Variants in POMGNT1 observed in about 807,000 individuals in gnomAD.
POMGNT1 encodes the protein protein O-linked-mannose beta-1,2-N-acetylglucosaminyltransferase 1.
A neutral mutation model predicts 95.6 loss-of-function variants in POMGNT1; 67 were observed. The observed-to-expected ratio is 0.70, with a 90% CI of 0.58 to 0.86. The LOEUF (loss-of-function observed/expected upper bound fraction) is 0.86, where lower values mean the gene tolerates loss of function less well. Ranked by LOEUF, POMGNT1 falls within the 40% of genes least tolerant of loss-of-function variation. The probability of loss-of-function intolerance (pLI) is 0.00; values close to 1 mark genes in which losing one functional copy is unlikely to be tolerated. For missense variants in POMGNT1, 719 were observed against 855.2 expected, an observed-to-expected ratio of 0.84 and a Z score of 1.99; for synonymous variants, 298 against 317.9, an observed-to-expected ratio of 0.94 and a Z score of 0.66.
intron 13 of POMGNT1, 102 bp downstream of exon 13, chr1:46,193,072 G>A (rs1191481834): frequency 1.2e-6 from 2 of 1,603,440 alleles, no homozygotes; most frequent in African/African-American, 2.7e-5. Flanking sequence ...AGATGTGAAG[G>A]ATGAGGCCCA....
chr1:46,219,635 T>C, intron 1 of POMGNT1: 1 of 1,494,924 alleles, frequency 6.7e-7, no homozygotes, highest in Non-Finnish European at 8.9e-7. Context: ...GGTAGTGGCC[T>C]GTGGAAACGC....
intron 1 of POMGNT1, among the ~76,000 whole-genome samples, chr1:46,216,449 C>T (rs908914233): frequency 6.6e-6 from 1 of 152,166 alleles, no homozygotes; most frequent in African/African-American, 2.4e-5. Context: ...TCAAGCAATC[C>T]TCTCACCTCA....
chr1:46,213,315 TATTC>T (rs1658961647), intron 1 of POMGNT1, among the ~76,000 whole-genome samples: 1 of 150,878 alleles, frequency 6.6e-6, no homozygotes, highest in Non-Finnish European at 1.5e-5. Flanking sequence ...TAGGGATTGA[TATTC>T]AGTAATTGTG....
In POMGNT1 at chr1:46,188,699, T is replaced by C. The variant is rs758256074; in HGVS notation, c.*571A>G. The C allele has an allele frequency of 2.5e-5, 40 of 1,596,822 alleles. No individual in the cohort carries two copies. The Middle Eastern group carries it at 7.1e-4, about 28-fold the overall frequency. ...CAAGACATCCCCAGAGGGCTTCTCC[T>C]TTTTTAATCAATGACCAACTTATCC... On this transcript the variant is annotated 3_prime_UTR_variant, in exon 22 of 22. Coordinates refer to ENST00000371984, the MANE Select transcript of POMGNT1 (RefSeq NM_017739.4).
rs753914761 is a variant in POMGNT1 at position 46,212,281 on chromosome 1, A to ATT, written c.-51+7422_-51+7423dup. Among the ~76,000 whole-genome samples the ATT allele has an allele frequency of 7.8e-3, 1,126 of 143,518 alleles. 20 individuals are homozygous for ATT. Among genetic ancestry groups the ATT allele is most frequent in the Middle Eastern group, 0.04 (11 of 276 alleles). The allele number at this position is 143,518 out of a possible 152,430, so 94.2% of individuals were successfully genotyped here. A position where few individuals can be genotyped will look rare whatever the true frequency, so the allele number is the denominator to read the frequency against. On this transcript the variant is annotated intron_variant, in intron 1 of 22. Transcript: ENST00000371992. ...ATGTATAACATAAACAACCATGTAA[A>ATT]TTTTTTTTTTTTTTTTTGAGACGGA...
At chr1:46,190,113 T>C in intron 19 of POMGNT1, 124 bp from the exon 20 acceptor site, 1 of 1,214,452 alleles carries the variant, frequency 8.2e-7, no homozygotes, top group South Asian at 1.5e-5. Flanking sequence ...TTTTTTTTTT[T>C]TTTGAGATGG....
In POMGNT1 at chr1:46,197,801, G is replaced by T. The variant is rs769804402; in HGVS notation, c.21C>A (p.Ser7Arg). The T allele has an allele frequency of 3.7e-6, 6 of 1,614,038 alleles. No individual in the cohort carries two copies. Among genetic ancestry groups the T allele is most frequent in the South Asian group, 3.3e-5 (3 of 91,090 alleles). The change falls in exon 2 of 22, where the codon AGC becomes AGA. Residue 7 changes from serine (S) to arginine (R), a missense_variant. Ser to Arg is a moderately radical substitution (Grantham distance 110, BLOSUM62 -1). Coordinates refer to ENST00000371984, the MANE Select transcript of POMGNT1 (RefSeq NM_017739.4). Reference sequence around the variant, plus strand: ...GAGCCCCAAAGGGCTTGATGAGGGGGCTGGGCTTCCAGTCGTCCATACCGG... The same window carrying T: ...GAGCCCCAAAGGGCTTGATGAGGGGTCTGGGCTTCCAGTCGTCCATACCGG... MDDWKP[S>R]PLIKPFGARK...
At position 46,192,318 on chromosome 1, in the gene POMGNT1, G is replaced by A. The variant is rs2148185390; in HGVS notation, c.1403C>T (p.Thr468Ile). 1 of 1,614,192 alleles carries A rather than the reference G, an allele frequency of 6.2e-7. No homozygotes were observed. Among genetic ancestry groups the A allele is most frequent in the Non-Finnish European group, 8.5e-7 (1 of 1,180,032 alleles). Residue 468 changes from threonine (T) to isoleucine (I), a missense_variant, in exon 16 of 22, where the codon ACA (threonine) becomes ATA (isoleucine). Thr to Ile is a moderately conservative substitution (Grantham distance 89, BLOSUM62 -1). Transcript: ENST00000371984. ...YKEELEPKWPTPEKLWDWDMW... is the reference protein window; with the variant it reads ...YKEELEPKWPIPEKLWDWDMW... ...TACCCTGACAGTTACCTTTTCCGGT[G>A]TAGGCCACTTGGGCTCAAGCTCCTC...
In POMGNT1 at chr1:46,205,518, G is replaced by A. The variant is rs1658684540; in HGVS notation, c.-50-7647C>T. Among the ~76,000 whole-genome samples, 3 of 152,096 alleles carry A rather than the reference G, an allele frequency of 2.0e-5. 1 individual carries two copies. The highest frequency in any genetic ancestry group is 2.0e-4 in the Admixed American group (3 of 15,268). On this transcript the variant is annotated intron_variant, in intron 1 of 22. Transcript: ENST00000371992. ...ATTTCTCCCATCTTACAGATAAAAC[G>A]TGCTTGCAGATTCTGAACTCACATA...
intron 9 of POMGNT1, 90 bp downstream of exon 9, chr1:46,194,184 G>T: frequency 1.7e-5 from 27 of 1,608,586 alleles, no homozygotes; most frequent in Non-Finnish European, 2.2e-5. Context: ...CCCAGGCTCA[G>T]GTAGGGAAAG....
At chr1:46,199,447 A>G (rs1658471013), upstream of POMGNT1, among the ~76,000 whole-genome samples, 1 of 152,246 alleles carries the variant, frequency 6.6e-6, no homozygotes. Context: ...CTCAAACTTT[A>G]GCTTGCGTCA....
rs200042607 is a variant in POMGNT1, at chr1:46,196,819, C to T, written c.266G>A (p.Arg89Gln). Residue 89 changes from arginine to glutamine, a missense_variant, in exon 4 of 22, where the codon CGG becomes CAG. By Grantham distance (43) the Arg-to-Gln change is conservative. Transcript: ENST00000371984. This position sits in a 1 kb window ranked among gnomAD's most constrained non-coding sequence, Gnocchi z 4.4. ...CCGCCGGGGACCACTGCCTCTGCGCCGTGGGGGCTCCAGGCGGCCTAGGGC... is the reference window on the plus strand; with the variant it reads ...CCGCCGGGGACCACTGCCTCTGCGCTGTGGGGGCTCCAGGCGGCCTAGGGC... ...DEALGRLEPP[R>Q]RRGSGPRRVL... 115 of 1,614,076 alleles carry T rather than the reference C, an allele frequency of 7.1e-5. No homozygotes were observed. Among genetic ancestry groups the T allele is most frequent in the Non-Finnish European group, 5.9e-5 (70 of 1,180,046 alleles).
intron 6 of POMGNT1, 102 bp from the exon 7 acceptor site, chr1:46,195,063 A>G: frequency 3.0e-6 from 3 of 991,926 alleles, no homozygotes; most frequent in Admixed American, 1.7e-5. Flanking sequence ...AAAATAGCTC[A>G]TTACATTATT....
In POMGNT1 at chr1:46,198,076, ACT is replaced by A. The variant is rs575351559; in HGVS notation, c.-50-207_-50-206del. 27 of 552,344 alleles carry A rather than the reference ACT, an allele frequency of 4.9e-5. No homozygotes were observed. In the South Asian group the frequency reaches 5.5e-4, roughly 11 times the overall value. 34.2% of individuals were successfully genotyped at this position (552,344 alleles called of 1,614,324 possible). On this transcript the variant is annotated intron_variant, in intron 1 of 21. Coordinates refer to ENST00000371984, the MANE Select transcript of POMGNT1 (RefSeq NM_017739.4). ...CTGGAAATTCCCTGAGACTGGAGTA[ACT>A]CTCTGAATCAAGGCTGTCCAAGGGT...
chr1:46,190,580 T>A (rs1333740712), intron 18 of POMGNT1, 63 bp from the exon 19 acceptor site: 1 of 1,539,688 alleles, frequency 6.5e-7, no homozygotes, highest in African/African-American at 1.4e-5. Flanking sequence ...TGGGTAGCAC[T>A]GAGCAGGGCA....
chr1:46,193,608 C>T lies in POMGNT1; in HGVS notation c.982G>A (p.Val328Met), dbSNP rs1242775965. The change falls in exon 11 of 22, where the codon GTG becomes ATG. Residue 328 changes from valine to methionine, a missense_variant. Val to Met is a conservative substitution (Grantham distance 21). Coordinates refer to ENST00000371984, the MANE Select transcript of POMGNT1 (RefSeq NM_017739.4). ...MLRSLLSAQG[V>M]SPQMITVFID... Reference sequence around the variant, plus strand: ...AAAACTGTTATCATCTGAGGAGACACCCCCTGGGCTGAAAGCAGAGAGCGC... The same window carrying T: ...AAAACTGTTATCATCTGAGGAGACATCCCCTGGGCTGAAAGCAGAGAGCGC... 2 of 1,614,208 alleles carry T rather than the reference C, an allele frequency of 1.2e-6. No individual in the cohort carries two copies. The highest frequency in any genetic ancestry group is 2.2e-5 in the East Asian group (1 of 44,882).
chr1:46,196,742 C>G lies in POMGNT1; in HGVS notation c.343G>C (p.Asp115His). The G allele has an allele frequency of 1.9e-6, 3 of 1,614,156 alleles. No homozygotes were observed. The highest frequency in any genetic ancestry group is 2.5e-6 in the Non-Finnish European group (3 of 1,180,042). Residue 115 changes from aspartate (D) to histidine (H), a missense_variant, in exon 4 of 22, where the codon GAT becomes CAT. Physicochemically the swap from Asp to His is moderately conservative, Grantham distance 81. Around this residue, in one of 5 missense-constraint regions of POMGNT1, gnomAD observed 466 missense variants for 517.4 expected, o/e 0.90. Transcript: ENST00000371984. The surrounding 1 kb of genome is among the most constrained non-coding windows in gnomAD (Gnocchi z 4.4). ...CCTGGCCCACTGACCGTGGTGCCAT[C>G]CACTGCCACATATACTTTGCTGCGA... ...SSRSKVYVAVDGTTVLEDEAR... is the reference protein window; with the variant it reads ...SSRSKVYVAVHGTTVLEDEAR...
chr1:46,192,453 A>G lies in POMGNT1; in HGVS notation c.1285-17T>C, dbSNP rs1205438093. The G allele has an allele frequency of 6.2e-7, 1 of 1,614,164 alleles. No individual in the cohort carries two copies. The highest frequency in any genetic ancestry group is 1.3e-5 in the African/African-American group (1 of 75,034). On this transcript the variant is annotated splice_polypyrimidine_tract_variant and intron_variant, in intron 15 of 21. Transcript: ENST00000371984. ...TTCATACCCCTGGGGACAGGGTGCC[A>G]TAGTGGGAGGTATTAGCTGAGGCCT...
chr1:46,193,082 A>G (rs1245359212), intron 13 of POMGNT1, 92 bp downstream of exon 13: 2 of 1,604,694 alleles, frequency 1.2e-6, no homozygotes, highest in Middle Eastern at 1.7e-4. Context: ...GATGAGGCCC[A>G]GTGAGGGGAA....
Sources: gnomAD v4.1 joint callset for allele counts (sites outside exome capture counted in the v4.1 genomes callset) on GRCh38, gnomAD v4.1.1 for gene constraint, gnomAD v4.1.1 regional missense constraint, Gnocchi (gnomAD v3.1) non-coding constraint, MANE v1.5 for transcripts, NCBI Gene and HGNC (gene_info 2026-07-23, HGNC 2026-07-21) for gene names.